The following CTU1 variants were observed in gnomAD, a reference collection of about 807,000 sequenced individuals.
The protein encoded by CTU1 is cytosolic thiouridylase subunit 1.
In CTU1, 15 loss-of-function variants were observed where a neutral mutation model predicts 12.9. The ratio of observed to expected loss-of-function variants is 1.16; its 90% confidence interval spans 0.78 to 1.79. The LOEUF (loss-of-function observed/expected upper bound fraction) is 1.79, where lower values mean the gene tolerates loss of function less well. CTU1 is among the 40% of genes most tolerant of loss of function. The pLI is 0.00. For missense variants in CTU1, 553 were observed against 550.5 expected, an observed-to-expected ratio of 1.00 and a Z score of -0.05; for synonymous variants, 295 against 275.6, an observed-to-expected ratio of 1.07 and a Z score of -0.70.
chr19:51,098,687 G>T lies in CTU1; in HGVS notation c.961C>A (p.Arg321Ser), dbSNP rs1178614233. 1.5e-6 allele frequency: 2 copies of T among 1,292,200 alleles called. No homozygotes were observed. Among genetic ancestry groups the T allele is most frequent in the Admixed American group, 4.1e-5 (1 of 24,192 alleles). The allele number at this position is 1,292,200 out of a possible 1,614,324, so 80.0% of individuals were successfully genotyped here. A position where few individuals can be genotyped will look rare whatever the true frequency, so the allele number is the denominator to read the frequency against. Residue 321 changes from arginine (R) to serine (S), a missense_variant, in exon 3 of 3, where the codon CGC (arginine) becomes AGC (serine). Coordinates refer to ENST00000421832, the MANE Select transcript of CTU1 (RefSeq NM_145232.4). The surrounding 1 kb of genome is among the most constrained non-coding windows in gnomAD (Gnocchi z 4.3). ...GTCGCCTCCTCGTCCAGACCCCGGC[G>T]GCCCTTGCCGATGGCCAGGCGGGGC... ...GRPRLAIGKG[R>S]RGLDEEATPG...
chr19:51,098,808 CCGCGCGGCCGGGGCCAG>C lies in CTU1; in HGVS notation c.823_839del (p.Leu275AlafsTer190). The C allele has an allele frequency of 9.5e-7, 1 of 1,049,106 alleles. No homozygotes were observed. Among genetic ancestry groups the C allele is most frequent in the Non-Finnish European group, 1.1e-6 (1 of 871,668 alleles). The allele number at this position is 1,049,106 out of a possible 1,614,324, so 65.0% of individuals were successfully genotyped here. A position where few individuals can be genotyped will look rare whatever the true frequency, so the allele number is the denominator to read the frequency against. Reference sequence around the variant, plus strand: ...GGGAGCAGGCGCCGGGGCGCGGGGGCCGCGCGGCCGGGGCCAGCGCCAGGCGCTCGGCCGAGTGCACG... The same window carrying C: ...GGGAGCAGGCGCCGGGGCGCGGGGGCCGCCAGGCGCTCGGCCGAGTGCACG... On this transcript the variant is annotated frameshift_variant, in exon 3 of 3. Transcript: ENST00000421832. LOFTEE classifies it low-confidence loss of function (END_TRUNC). The surrounding 1 kb of genome is among the most constrained non-coding windows in gnomAD (Gnocchi z 4.3).
rs1238365795 is a variant in CTU1 at position 51,103,938 on chromosome 19, AC to A, written c.508+123del. On this transcript the variant is annotated intron_variant, in intron 2 of 2. Coordinates refer to ENST00000421832, the MANE Select transcript of CTU1 (RefSeq NM_145232.4). ...CGTACAGGGATCCTCCCATTAAGCC[AC>A]CAGGGTCTCCTCGCCGCCTTCTGGA... 6.7e-6 allele frequency: 7 copies of A among 1,041,804 alleles called. No homozygotes were observed. The East Asian group carries it at 2.3e-4, about 34-fold the overall frequency. 64.5% of individuals were successfully genotyped at this position (1,041,804 alleles called of 1,614,324 possible).
rs577015585 is a variant in CTU1, at chr19:51,104,412, A to G, written c.158T>C (p.Val53Ala). The G allele has an allele frequency of 0.015, 18,162 of 1,230,204 alleles. 167 individuals carry two copies. The highest frequency in any genetic ancestry group is 0.019 in the South Asian group (808 of 42,682). 76.2% of individuals were successfully genotyped at this position (1,230,204 alleles called of 1,614,324 possible). A position where few individuals can be genotyped will look rare whatever the true frequency, so the allele number is the denominator to read the frequency against. The stretch of plus-strand genomic sequence containing the variant: ...GCCGCCCGAGGCGCCCACGGCCACC[A>G]CCGCGCCGGGCGGCAGCAGGCGGCC... Reference protein sequence around the residue: ...LAGRLLPPGAVVAVGASGGKD... With the variant: ...LAGRLLPPGAAVAVGASGGKD... Residue 53 changes from valine to alanine, a missense_variant, in exon 2 of 3, where the codon GTG (valine) becomes GCG (alanine). Coordinates refer to ENST00000421832, the MANE Select transcript of CTU1 (RefSeq NM_145232.4).
intron 2 of CTU1, among the ~76,000 whole-genome samples, chr19:51,100,661 C>T (rs552352803): frequency 3.9e-5 from 6 of 152,192 alleles, no homozygotes; most frequent in East Asian, 3.9e-4. Flanking sequence ...GGGCAGCCTC[C>T]GGAAGCTGGA....
intron 1 of CTU1, among the ~76,000 whole-genome samples, chr19:51,107,889 G>A (rs2091924303): frequency 6.6e-6 from 1 of 152,142 alleles, no homozygotes; most frequent in South Asian, 2.1e-4. Context: ...GCTGTCACTG[G>A]TGACAGGTCT....
In CTU1 at chr19:51,103,952, G is replaced by T. The variant is rs530425272; in HGVS notation, c.508+110C>A. 100 of 1,159,988 alleles carry T rather than the reference G, an allele frequency of 8.6e-5. 1 individual carries two copies. In the South Asian group the frequency reaches 2.0e-3, roughly 23 times the overall value. 71.9% of individuals were successfully genotyped at this position (1,159,988 alleles called of 1,614,324 possible). ...CCCATTAAGCCACCAGGGTCTCCTC[G>T]CCGCCTTCTGGAGCATGCGCCTGAA... On this transcript the variant is annotated intron_variant, in intron 2 of 2. Transcript: ENST00000421832.
At position 51,104,519 on chromosome 19, in the gene CTU1, G is replaced by T. The variant is rs1193474464; in HGVS notation, c.51C>A (p.Arg17=). Residue 17 remains arginine (R), a synonymous_variant, in exon 2 of 3, where the codon CGC becomes CGA. Coordinates refer to ENST00000421832, the MANE Select transcript of CTU1 (RefSeq NM_145232.4). ...ASCHAARAAL[R]RPLSGQALCG... ...ACAGCGCTTGGCCCGAGAGCGGACG[G>T]CGGAGGGCGGCGCGTGCAGCATGGC... The T allele has an allele frequency of 2.2e-5, 28 of 1,272,758 alleles. No individual in the cohort carries two copies. Among genetic ancestry groups the T allele is most frequent in the Middle Eastern group, 5.1e-4 (2 of 3,932 alleles). The allele number at this position is 1,272,758 out of a possible 1,614,324, so 78.8% of individuals were successfully genotyped here.
Position 51,099,063 on chromosome 19 carries a change from G to T in CTU1, c.585C>A (p.Gly195=). The T allele has an allele frequency of 2.0e-6, 3 of 1,518,480 alleles. No homozygotes were observed. The highest frequency in any genetic ancestry group is 2.6e-6 in the Non-Finnish European group (3 of 1,138,830). 94.1% of individuals were successfully genotyped at this position (1,518,480 alleles called of 1,614,324 possible). The change falls in exon 3 of 3, where the codon GGC becomes GGA. Residue 195 remains glycine (G), a synonymous_variant. Transcript: ENST00000421832. ...LRGDAGRLAR[G]GGLGSPGEGG... ...CCTCGCCGGGAGAGCCCAGGCCCCCGCCCCGGGCCAGCCGCCCCGCGTCGC... is the reference window on the plus strand; with the variant it reads ...CCTCGCCGGGAGAGCCCAGGCCCCCTCCCCGGGCCAGCCGCCCCGCGTCGC...
rs1055804695 is a variant in CTU1 at position 51,098,953 on chromosome 19, T to G, written c.695A>C (p.Tyr232Ser). The change falls in exon 3 of 3, where the codon TAC (tyrosine) becomes TCC (serine). Residue 232 changes from tyrosine (Y) to serine (S), a missense_variant. Coordinates refer to ENST00000421832, the MANE Select transcript of CTU1 (RefSeq NM_145232.4). This position sits in a 1 kb window ranked among gnomAD's most constrained non-coding sequence, Gnocchi z 4.3. Reference sequence around the variant, plus strand: ...CGCGTAGACGCACTCCTCGGAGAAGTAGTCGAGGCGGCGGAAGTGCGCGTA... The same window carrying G: ...CGCGTAGACGCACTCCTCGGAGAAGGAGTCGAGGCGGCGGAAGTGCGCGTA... Reference protein sequence around the residue: ...VLYAHFRRLDYFSEECVYAPE... With the variant: ...VLYAHFRRLDSFSEECVYAPE... 4 of 1,543,880 alleles carry G rather than the reference T, an allele frequency of 2.6e-6. No homozygotes were observed. Among genetic ancestry groups the G allele is most frequent in the Non-Finnish European group, 3.5e-6 (4 of 1,150,890 alleles).
chr19:51,098,538 C>T lies in CTU1; in HGVS notation c.*63G>A. 7 of 1,207,650 alleles carry T rather than the reference C, an allele frequency of 5.8e-6. No homozygotes were observed. Among genetic ancestry groups the T allele is most frequent in the Non-Finnish European group, 7.2e-6 (7 of 966,708 alleles). 74.8% of individuals were successfully genotyped at this position (1,207,650 alleles called of 1,614,324 possible). A position where few individuals can be genotyped will look rare whatever the true frequency, so the allele number is the denominator to read the frequency against. On this transcript the variant is annotated 3_prime_UTR_variant, in exon 3 of 3. Coordinates refer to ENST00000421832, the MANE Select transcript of CTU1 (RefSeq NM_145232.4). This position sits in a 1 kb window ranked among gnomAD's most constrained non-coding sequence, Gnocchi z 4.3. ...CCAGGTAAGGTAACGGGTTTATTCA[C>T]AGTGTCATTTACAGGCAGCCCCCAC...
chr19:51,098,977 T>G lies in CTU1; in HGVS notation c.671A>C (p.Tyr224Ser). Residue 224 changes from tyrosine (Y) to serine (S), a missense_variant, in exon 3 of 3, where the codon TAC (tyrosine) becomes TCC (serine). Physicochemically the swap from Tyr to Ser is moderately radical, Grantham distance 144. Transcript: ENST00000421832. This position sits in a 1 kb window ranked among gnomAD's most constrained non-coding sequence, Gnocchi z 4.3. The stretch of plus-strand genomic sequence containing the variant: ...GTAGTCGAGGCGGCGGAAGTGCGCG[T>G]ACAGCACCACCTCCTTCTGCGAGGC... ...QFASQKEVVL[Y>S]AHFRRLDYFS... 1 of 1,544,494 alleles carries G rather than the reference T, an allele frequency of 6.5e-7. No individual in the cohort carries two copies. Among genetic ancestry groups the G allele is most frequent in the Non-Finnish European group, 8.7e-7 (1 of 1,151,346 alleles).
At chr19:51,100,609 A>C (rs1485933377) in intron 2 of CTU1, among the ~76,000 whole-genome samples, 1 of 152,118 alleles carries the variant, frequency 6.6e-6, no homozygotes, top group Non-Finnish European at 1.5e-5. Context: ...AAAAGAAAAA[A>C]AAGAAAAGAA....
In CTU1 at chr19:51,104,536, CAGCATGGCAG is replaced by C; in HGVS notation, c.24_33del (p.Cys9HisfsTer157). ...AGCGGACGGCGGAGGGCGGCGCGTG[CAGCATGGCAG>C]GAGGCGCACGGCGGGGCGGGCATTG... On this transcript the variant is annotated frameshift_variant, in exon 2 of 3. Coordinates refer to ENST00000421832, the MANE Select transcript of CTU1 (RefSeq NM_145232.4). LOFTEE classifies it high-confidence loss of function. 7.9e-7 allele frequency: 1 copy of C among 1,265,064 alleles called. No homozygotes were observed. The highest frequency in any genetic ancestry group is 2.9e-5 in the South Asian group (1 of 34,448). The allele number at this position is 1,265,064 out of a possible 1,614,324, so 78.4% of individuals were successfully genotyped here. A position where few individuals can be genotyped will look rare whatever the true frequency, so the allele number is the denominator to read the frequency against.
intron 1 of CTU1, among the ~76,000 whole-genome samples, chr19:51,105,242 A>G (rs2691252): frequency 0.62 from 93,673 of 151,936 alleles, 29,317 homozygotes; most frequent in East Asian, 0.79. Context: ...CACACCTCTC[A>G]GGAGACCAGC....
intron 2 of CTU1, 55 bp from the exon 3 acceptor site, chr19:51,099,194 A>G (rs1342197240): frequency 6.7e-7 from 1 of 1,483,164 alleles, no homozygotes; most frequent in Non-Finnish European, 9.0e-7. Context: ...GCTGCTGGCC[A>G]GGGAGCCCCC....
intron 2 of CTU1, among the ~76,000 whole-genome samples, chr19:51,099,906 T>A (rs533278037): frequency 6.6e-6 from 1 of 152,210 alleles, no homozygotes; most frequent in African/African-American, 2.4e-5. Flanking sequence ...TGGTGCGTTA[T>A]CCAGGTGCGC....
chr19:51,098,695 C>A lies in CTU1; in HGVS notation c.953G>T (p.Gly318Val). The stretch of plus-strand genomic sequence containing the variant: ...CTCGTCCAGACCCCGGCGGCCCTTG[C>A]CGATGGCCAGGCGGGGCCGGCCGCG... ...LNRGRPRLAI[G>V]KGRRGLDEEA... Residue 318 changes from glycine (G) to valine (V), a missense_variant, in exon 3 of 3, where the codon GGC (glycine) becomes GTC (valine). Coordinates refer to ENST00000421832, the MANE Select transcript of CTU1 (RefSeq NM_145232.4). This position sits in a 1 kb window ranked among gnomAD's most constrained non-coding sequence, Gnocchi z 4.3. 7.8e-7 allele frequency: 1 copy of A among 1,287,368 alleles called. No individual in the cohort carries two copies. Among genetic ancestry groups the A allele is most frequent in the Non-Finnish European group, 9.9e-7 (1 of 1,013,936 alleles). The allele number at this position is 1,287,368 out of a possible 1,614,324, so 79.7% of individuals were successfully genotyped here.
intron 2 of CTU1, among the ~76,000 whole-genome samples, chr19:51,100,329 G>A (rs1044765080): frequency 1.3e-5 from 2 of 152,222 alleles, no homozygotes; most frequent in Admixed American, 6.5e-5. Context: ...TGGAGGAAGA[G>A]CCGGGCACAG....
At chr19:51,104,997 A>T (rs1042380685) in intron 1 of CTU1, among the ~76,000 whole-genome samples, 3 of 152,162 alleles carry the variant, frequency 2.0e-5, no homozygotes, top group Non-Finnish European at 2.9e-5. Context: ...CAAGGTAGGT[A>T]TCATTGGCCT....
Sources: gnomAD v4.1 joint callset for allele counts (sites outside exome capture counted in the v4.1 genomes callset) on GRCh38, gnomAD v4.1.1 for gene constraint, Gnocchi (gnomAD v3.1) non-coding constraint, MANE v1.5 for transcripts, NCBI Gene and HGNC (gene_info 2026-07-23, HGNC 2026-07-21) for gene names.